GRM5: variants seen among roughly 807,000 people sequenced by gnomAD.
GRM5 encodes metabotropic glutamate receptor 5.
Under a neutral mutation model 83.1 loss-of-function variants are expected in GRM5, and 19 were observed. That is an observed-to-expected ratio of 0.23 (90% CI 0.16 to 0.34). GRM5 has a LOEUF of 0.34. Among genes scored for constraint, GRM5 ranks in the 10% least tolerant of loss-of-function variants. The pLI, the probability that GRM5 is intolerant of heterozygous loss-of-function variation, is 1.00. For missense variants in GRM5, 1,160 were observed against 1,588.3 expected (o/e 0.73, Z 4.58); for synonymous variants, 675 against 633.6 (o/e 1.07, Z -0.98).
At chr11:88,945,062 T>C (rs1393262357) in intron 2 of GRM5, among the ~76,000 whole-genome samples, 3 of 151,684 alleles carry the variant, frequency 2.0e-5, no homozygotes, top group African/African-American at 7.3e-5. Context: ...TTTTTACACA[T>C]GAATAACATT....
chr11:88,802,574 T>C (rs1943418138), intron 3 of GRM5, among the ~76,000 whole-genome samples: 1 of 152,096 alleles, frequency 6.6e-6, no homozygotes, highest in Admixed American at 6.6e-5. Context: ...TCACAGCCAA[T>C]ATCATACTGA....
intron 2 of GRM5, among the ~76,000 whole-genome samples, chr11:88,984,495 C>T (rs1939632692): frequency 6.6e-6 from 1 of 152,022 alleles, no homozygotes; most frequent in Non-Finnish European, 1.5e-5. Flanking sequence ...ATGAAACTGC[C>T]TAATGTTGCA....
intron 1 of GRM5, among the ~76,000 whole-genome samples, chr11:89,065,313 GA>G (rs1942078047): frequency 7.0e-6 from 1 of 143,206 alleles, no homozygotes; most frequent in African/African-American, 2.6e-5. Context: ...CACACACACA[GA>G]CAGAGGGAGA....
intron 3 of GRM5, among the ~76,000 whole-genome samples, chr11:88,665,998 T>C (rs1499037): frequency 0.68 from 103,649 of 152,056 alleles, 41,270 homozygotes; most frequent in Non-Finnish European, 0.9. Flanking sequence ...TGGGCTAGTA[T>C]TACATTTAAA....
intron 2 of GRM5, among the ~76,000 whole-genome samples, chr11:88,867,825 A>T (rs1413018075): frequency 6.6e-6 from 1 of 151,822 alleles, no homozygotes; most frequent in African/African-American, 2.4e-5. Context: ...CCTCTAAACT[A>T]TAAGGAAATA....
chr11:88,571,930 A>G (rs1943011999), intron 7 of GRM5, among the ~76,000 whole-genome samples: 1 of 152,208 alleles, frequency 6.6e-6, no homozygotes, highest in Admixed American at 6.5e-5. Context: ...AAACTAAGTA[A>G]CTGTACTAGA....
At chr11:88,990,030 G>A (rs1294655515) in intron 2 of GRM5, among the ~76,000 whole-genome samples, 12 of 151,708 alleles carry the variant, frequency 7.9e-5, no homozygotes, top group South Asian at 4.2e-4. Flanking sequence ...ACTGAAGGAA[G>A]TAGAGACACA....
chr11:88,648,315 C>G (rs1369433450), intron 4 of GRM5, among the ~76,000 whole-genome samples: 1 of 148,572 alleles, frequency 6.7e-6, no homozygotes, highest in African/African-American at 2.5e-5. Flanking sequence ...ATGGAATACT[C>G]TGCAGCCATA....
intron 3 of GRM5, among the ~76,000 whole-genome samples, chr11:88,657,582 A>G (rs1939794551): frequency 6.6e-6 from 1 of 152,074 alleles, no homozygotes; most frequent in South Asian, 2.1e-4. Context: ...CATTACCAAA[A>G]ATATACTCTC....
chr11:88,846,688 T>C (rs2510482), intron 3 of GRM5, among the ~76,000 whole-genome samples: 10 of 152,080 alleles, frequency 6.6e-5, no homozygotes, highest in African/African-American at 1.4e-4. Context: ...TTTTTTTTTT[T>C]CCACATAGCT....
intron 3 of GRM5, among the ~76,000 whole-genome samples, chr11:88,764,515 T>C (rs1011010779): frequency 1.3e-5 from 2 of 151,696 alleles, no homozygotes; most frequent in African/African-American, 4.8e-5. Flanking sequence ...TTTCTCTGAC[T>C]ACAAAAGAGT....
chr11:88,590,546 C>T (rs1227576381), intron 7 of GRM5, 55 bp downstream of exon 7: 2 of 1,483,992 alleles, frequency 1.3e-6, no homozygotes, highest in African/African-American at 2.8e-5. Context: ...CCCCCTCTCC[C>T]ACGTCTGCAC....
chr11:88,814,066 C>T (rs1943629927), intron 3 of GRM5, among the ~76,000 whole-genome samples: 1 of 152,024 alleles, frequency 6.6e-6, no homozygotes, highest in Non-Finnish European at 1.5e-5. Flanking sequence ...TGACTTCTGA[C>T]CATAATGTTT....
intron 3 of GRM5, among the ~76,000 whole-genome samples, chr11:88,803,924 C>G (rs1237226759): frequency 1.3e-5 from 2 of 152,036 alleles, no homozygotes; most frequent in Non-Finnish European, 2.9e-5. Flanking sequence ...AGCCAAAAAC[C>G]ACATGAAAAA....
intron 2 of GRM5, among the ~76,000 whole-genome samples, chr11:88,886,582 T>A (rs178395): frequency 1.3e-5 from 2 of 152,114 alleles, no homozygotes; most frequent in Admixed American, 6.5e-5. Flanking sequence ...TTCCTTTCAC[T>A]GAGGACTTAG....
chr11:88,835,797 A>G (rs1014308762), intron 3 of GRM5, among the ~76,000 whole-genome samples: 1 of 152,254 alleles, frequency 6.6e-6, no homozygotes, highest in African/African-American at 2.4e-5. Flanking sequence ...AACTTAGCAC[A>G]TTCTTTTATT....
intron 2 of GRM5, among the ~76,000 whole-genome samples, chr11:88,880,178 G>C (rs1454838720): frequency 3.9e-5 from 6 of 152,006 alleles, no homozygotes; most frequent in African/African-American, 1.4e-4. Context: ...TGCCAACAAA[G>C]AACGCTATGA....
At chr11:88,731,121 G>A (rs1289167147) in intron 3 of GRM5, among the ~76,000 whole-genome samples, 1 of 152,032 alleles carries the variant, frequency 6.6e-6, no homozygotes, top group Non-Finnish European at 1.5e-5. Context: ...CACAAAAAAT[G>A]CCATTTTTTT....
At chr11:88,914,717 C>A (rs567154716) in intron 2 of GRM5, among the ~76,000 whole-genome samples, 47 of 152,234 alleles carry the variant, frequency 3.1e-4, no homozygotes, top group African/African-American at 1.1e-3. Context: ...TTGTGAATAA[C>A]TGCATAGTGA....
Sources: allele counts gnomAD v4.1 joint callset (sites outside exome capture counted in the v4.1 genomes callset), GRCh38; gene constraint gnomAD v4.1.1; transcripts MANE v1.5; gene names NCBI Gene and HGNC (gene_info 2026-07-23, HGNC 2026-07-21).